RUNDC3B: variants seen among roughly 807,000 people sequenced by gnomAD.
RUNDC3B encodes RUN domain-containing protein 3B.
A neutral mutation model predicts 58.4 loss-of-function variants in RUNDC3B; 33 were observed. The observed-to-expected ratio is 0.56, with a 90% CI of 0.43 to 0.75. RUNDC3B has a LOEUF of 0.75. Among genes scored for constraint, RUNDC3B ranks in the 30% least tolerant of loss-of-function variants. The pLI is 0.00. For synonymous variants in RUNDC3B, 193 were observed against 195.2 expected, an observed-to-expected ratio of 0.99 and a Z score of 0.10; for missense variants, 501 against 535.7, an observed-to-expected ratio of 0.94 and a Z score of 0.64.
intron 6 of RUNDC3B, among the ~76,000 whole-genome samples, chr7:87,763,186 G>A (rs1203839952): frequency 6.6e-6 from 1 of 151,588 alleles, no homozygotes; most frequent in Non-Finnish European, 1.5e-5. Flanking sequence ...CCAAGTAAAT[G>A]AGAATCTTGC....
chr7:87,782,487 C>T (rs1834981566), intron 8 of RUNDC3B, among the ~76,000 whole-genome samples: 1 of 151,634 alleles, frequency 6.6e-6, no homozygotes, highest in African/African-American at 2.4e-5. Flanking sequence ...GCTCTGATTT[C>T]AGTTATTTCT....
At chr7:87,725,648 T>C (rs1477813662) in intron 4 of RUNDC3B, among the ~76,000 whole-genome samples, 2 of 152,220 alleles carry the variant, frequency 1.3e-5, no homozygotes, top group Non-Finnish European at 2.9e-5. Context: ...TAGTTCTAGA[T>C]CCTTGAGGAA....
chr7:87,742,048 T>G (rs2130813891), intron 6 of RUNDC3B, among the ~76,000 whole-genome samples: 1 of 152,330 alleles, frequency 6.6e-6, no homozygotes, highest in Non-Finnish European at 1.5e-5. Flanking sequence ...AAAATATGTC[T>G]TTTAAAGAGT....
chr7:87,792,332 T>C (rs953777136), intron 8 of RUNDC3B, among the ~76,000 whole-genome samples: 6 of 152,054 alleles, frequency 3.9e-5, no homozygotes, highest in African/African-American at 1.4e-4. Flanking sequence ...CAAAGAAACA[T>C]TGGATGTAAT....
rs1458703086 is a variant in RUNDC3B, at chr7:87,832,233, G to A, written c.*2203G>A. 2 of 151,900 alleles carry A rather than the reference G, an allele frequency of 1.3e-5. No homozygotes were observed. The highest frequency in any genetic ancestry group is 6.6e-5 in the Admixed American group (1 of 15,208). The allele number at this position is 151,900 out of a possible 1,614,324, so 9.4% of individuals were successfully genotyped here. A position where few individuals can be genotyped will look rare whatever the true frequency, so the allele number is the denominator to read the frequency against. On this transcript the variant is annotated 3_prime_UTR_variant, in exon 11 of 11. Coordinates refer to ENST00000394654, the MANE Select transcript of RUNDC3B (RefSeq NM_001134405.2). ...CTGAATTATACGCCAATATTTCCAT[G>A]TGTATTCTGTTGCCTTGATGCGTAC...
chr7:87,826,969 A>G (rs1837850375), intron 10 of RUNDC3B, among the ~76,000 whole-genome samples: 1 of 152,186 alleles, frequency 6.6e-6, no homozygotes, highest in Admixed American at 6.5e-5. Flanking sequence ...TAATTTTTTT[A>G]AAGCAAATAT....
chr7:87,703,924 T>A, intron 3 of RUNDC3B, among the ~76,000 whole-genome samples: 1 of 112,276 alleles, frequency 8.9e-6, no homozygotes. Flanking sequence ...GTTTTTTTTT[T>A]TTTTTTTTTT....
chr7:87,672,466 T>C (rs1194960184), intron 2 of RUNDC3B, among the ~76,000 whole-genome samples: 2 of 152,124 alleles, frequency 1.3e-5, no homozygotes, highest in Admixed American at 6.5e-5. Context: ...GTGGGTCTTA[T>C]CTTGTGGGGT....
At chr7:87,814,328 G>A (rs905980639) in intron 9 of RUNDC3B, among the ~76,000 whole-genome samples, 6 of 151,886 alleles carry the variant, frequency 4.0e-5, no homozygotes, top group African/African-American at 1.5e-4. Flanking sequence ...TTGAACTCCC[G>A]ACCTCAGGTG....
chr7:87,753,472 G>T (rs1024905277), intron 6 of RUNDC3B, among the ~76,000 whole-genome samples: 1 of 152,030 alleles, frequency 6.6e-6, no homozygotes, highest in Admixed American at 6.6e-5. Flanking sequence ...TTGACAGTGG[G>T]GTGTTAAAAT....
At chr7:87,667,046 T>C (rs1294929085) in intron 2 of RUNDC3B, among the ~76,000 whole-genome samples, 1 of 152,222 alleles carries the variant, frequency 6.6e-6, no homozygotes, top group Admixed American at 6.5e-5. Context: ...GGTAGTTTGA[T>C]AGGAATAGCA....
At chr7:87,810,246 A>G (rs1229446976) in intron 9 of RUNDC3B, among the ~76,000 whole-genome samples, 3 of 152,248 alleles carry the variant, frequency 2.0e-5, no homozygotes, top group African/African-American at 7.2e-5. Flanking sequence ...GTTCAGAACC[A>G]GAAAAGGTTC....
intron 7 of RUNDC3B, among the ~76,000 whole-genome samples, chr7:87,773,671 GT>G (rs778980248): frequency 6.6e-6 from 1 of 151,312 alleles, no homozygotes; most frequent in Non-Finnish European, 1.5e-5. Flanking sequence ...GTTTTGTTTT[GT>G]TTTGTTTTGT....
At chr7:87,704,347 G>A (rs1829407899) in intron 3 of RUNDC3B, among the ~76,000 whole-genome samples, 2 of 152,164 alleles carry the variant, frequency 1.3e-5, no homozygotes, top group Non-Finnish European at 2.9e-5. Flanking sequence ...AAGTATTCTA[G>A]ATGCTACATA....
intron 4 of RUNDC3B, 25 bp downstream of exon 4, chr7:87,710,680 A>G (rs531934112): frequency 1.5e-6 from 2 of 1,303,404 alleles, no homozygotes; most frequent in Non-Finnish European, 2.2e-6. Flanking sequence ...TTAATTTTCT[A>G]ATATATATTT....
intron 1 of RUNDC3B, among the ~76,000 whole-genome samples, chr7:87,650,341 T>G (rs1420054039): frequency 6.6e-6 from 1 of 152,052 alleles, no homozygotes; most frequent in Non-Finnish European, 1.5e-5. Flanking sequence ...TTGCTCACAG[T>G]TCTGCAGGCT....
At chr7:87,668,947 T>C (rs1264052234) in intron 2 of RUNDC3B, among the ~76,000 whole-genome samples, 1 of 152,156 alleles carries the variant, frequency 6.6e-6, no homozygotes, top group Non-Finnish European at 1.5e-5. Context: ...AGAATGTATA[T>C]TCTGGTGTTT....
chr7:87,820,078 A>G (rs1016651025), intron 10 of RUNDC3B, among the ~76,000 whole-genome samples: 2 of 152,230 alleles, frequency 1.3e-5, no homozygotes, highest in Non-Finnish European at 2.9e-5. Flanking sequence ...AAAACCCTTC[A>G]AAAAATTAAT....
chr7:87,715,277 TTA>T (rs1186477903), intron 4 of RUNDC3B, among the ~76,000 whole-genome samples: 14 of 131,870 alleles, frequency 1.1e-4, no homozygotes, highest in Non-Finnish European at 1.9e-4. Context: ...TTTATAATAA[TTA>T]TATATAATTA....
Sources: gnomAD v4.1 joint callset for allele counts (sites outside exome capture counted in the v4.1 genomes callset) on GRCh38, gnomAD v4.1.1 for gene constraint, MANE v1.5 for transcripts, NCBI Gene and HGNC (gene_info 2026-07-23, HGNC 2026-07-21) for gene names.